The following RBMS3 variants were observed in gnomAD, a reference collection of about 807,000 sequenced individuals.
The protein encoded by RBMS3 is RNA-binding motif, single-stranded-interacting protein 3.
Under a neutral mutation model 66.8 loss-of-function variants are expected in RBMS3, and 27 were observed. That is an observed-to-expected ratio of 0.40 (90% CI 0.30 to 0.56). The LOEUF (loss-of-function observed/expected upper bound fraction) is 0.56. RBMS3 is among the 20% of genes least tolerant of loss of function. The pLI is 0.40. For missense variants in RBMS3, 513 were observed against 549.5 expected (o/e 0.93, Z 0.66); for synonymous variants, 188 against 183.0 (o/e 1.03, Z -0.22).
At chr3:29,350,283 C>G (rs540176104) in intron 1 of RBMS3, among the ~76,000 whole-genome samples, 1 of 152,000 alleles carries the variant, frequency 6.6e-6, no homozygotes, top group East Asian at 1.9e-4. Context: ...TGCTAGTTAG[C>G]ATGGTTCATA....
chr3:29,983,313 G>T (rs1698135364), intron 12 of RBMS3, among the ~76,000 whole-genome samples: 1 of 144,540 alleles, frequency 6.9e-6, no homozygotes, highest in Admixed American at 7.2e-5. Flanking sequence ...GTGTGTCTTT[G>T]CATGTGAGAT....
chr3:29,368,542 A>G (rs1233857355), intron 1 of RBMS3, among the ~76,000 whole-genome samples: 1 of 151,622 alleles, frequency 6.6e-6, no homozygotes, highest in African/African-American at 2.4e-5. Flanking sequence ...CTACTGAAAA[A>G]TGAGAGTTCA....
chr3:29,600,994 T>A (rs1263832030), intron 4 of RBMS3, among the ~76,000 whole-genome samples: 1 of 152,056 alleles, frequency 6.6e-6, no homozygotes, highest in Non-Finnish European at 1.5e-5. Context: ...ACCTGTCACA[T>A]AGCATGTACT....
intron 6 of RBMS3, among the ~76,000 whole-genome samples, chr3:29,857,343 A>G (rs1577008165): frequency 6.6e-6 from 1 of 152,046 alleles, no homozygotes; most frequent in East Asian, 1.9e-4. Context: ...CTGATGTTTT[A>G]CATTAAAAGA....
Position 29,457,825 on chromosome 3 carries a change from C to A in RBMS3, c.248+22910C>A, listed in dbSNP as rs993674504. Among the ~76,000 whole-genome samples the A allele has an allele frequency of 2.2e-5, 3 of 135,944 alleles. No individual in the cohort carries two copies. In the East Asian group the frequency reaches 6.2e-4, roughly 28 times the overall value. The allele number at this position is 135,944 out of a possible 152,430, so 89.2% of individuals were successfully genotyped here. On this transcript the variant is annotated intron_variant, in intron 2 of 14. Transcript: ENST00000383767. Reference sequence around the variant, plus strand: ...TTAGCTCTTACCATTTCTCAATTTGCACTTTTTTTTTTTTTTTTTGACATT... The same window carrying A: ...TTAGCTCTTACCATTTCTCAATTTGAACTTTTTTTTTTTTTTTTTGACATT...
chr3:29,568,296 G>A (rs972175242), intron 3 of RBMS3, among the ~76,000 whole-genome samples: 4 of 152,148 alleles, frequency 2.6e-5, no homozygotes, highest in Non-Finnish European at 4.4e-5. Flanking sequence ...AGGCTATTAT[G>A]AGAAAATAGC....
At chr3:29,779,643 G>T (rs1239292472) in intron 6 of RBMS3, among the ~76,000 whole-genome samples, 1 of 143,106 alleles carries the variant, frequency 7.0e-6, no homozygotes, top group African/African-American at 2.5e-5. Context: ...AAATTTTGAA[G>T]TCATATAAAA....
intron 1 of RBMS3, among the ~76,000 whole-genome samples, chr3:29,382,474 G>A (rs779023981): frequency 6.6e-6 from 1 of 152,166 alleles, no homozygotes; most frequent in Admixed American, 6.5e-5. Flanking sequence ...TGTTGCTTTA[G>A]TATTTAAATT....
chr3:29,418,091 A>G (rs1021302807), intron 1 of RBMS3, among the ~76,000 whole-genome samples: 4 of 152,120 alleles, frequency 2.6e-5, no homozygotes, highest in African/African-American at 9.7e-5. Context: ...CAGGGATGAG[A>G]TATTGATTGG....
At position 29,988,491 on chromosome 3, in the gene RBMS3, C is replaced by T. The variant is rs1698589483; in HGVS notation, c.1179+268C>T. ...AATTCCAGAGGCCAAATCACAACTC[C>T]ATCAAATTTTAATCACAAATACTTC... is the stretch of plus-strand genomic sequence containing the variant. On this transcript the variant is annotated intron_variant, in intron 13 of 14. Transcript: ENST00000383767. Among the ~76,000 whole-genome samples the T allele has an allele frequency of 2.0e-5, 3 of 152,182 alleles. No individual in the cohort carries two copies. In the South Asian group the frequency reaches 6.2e-4, roughly 32 times the overall value.
chr3:29,975,175 G>C (rs934790887), intron 12 of RBMS3, among the ~76,000 whole-genome samples: 12 of 146,842 alleles, frequency 8.2e-5, no homozygotes, highest in African/African-American at 3.0e-4. Context: ...ATACTTTACT[G>C]TAGATGAAAT....
chr3:29,757,611 G>T (rs2055481711), intron 5 of RBMS3, among the ~76,000 whole-genome samples: 1 of 152,134 alleles, frequency 6.6e-6, no homozygotes, highest in Non-Finnish European at 1.5e-5. Context: ...CTCCTGGGCT[G>T]GGCCCCAGAG....
intron 1 of RBMS3, among the ~76,000 whole-genome samples, chr3:29,364,853 T>C (rs1476027468): frequency 6.6e-6 from 1 of 152,164 alleles, no homozygotes; most frequent in Admixed American, 6.6e-5. Flanking sequence ...GAGATTTTTA[T>C]TGTCGACCAA....
chr3:29,708,376 A>G (rs990410248), intron 4 of RBMS3, among the ~76,000 whole-genome samples: 2 of 152,128 alleles, frequency 1.3e-5, no homozygotes, highest in African/African-American at 4.8e-5. Context: ...GGGCATGGCT[A>G]TTTTTGGCTC....
At chr3:29,724,638 G>T (rs2053778625) in intron 4 of RBMS3, among the ~76,000 whole-genome samples, 1 of 152,094 alleles carries the variant, frequency 6.6e-6, no homozygotes, top group South Asian at 2.1e-4. Context: ...ATTGATGTTT[G>T]TCATTGTTTT....
intron 2 of RBMS3, among the ~76,000 whole-genome samples, chr3:29,476,354 C>G (rs966603377): frequency 5.3e-5 from 8 of 152,164 alleles, no homozygotes; most frequent in African/African-American, 1.9e-4. Flanking sequence ...GTCTTCTCAC[C>G]TACCTCACCA....
intron 4 of RBMS3, among the ~76,000 whole-genome samples, chr3:29,658,917 G>A (rs2050422461): frequency 6.6e-6 from 1 of 152,178 alleles, no homozygotes; most frequent in Non-Finnish European, 1.5e-5. Context: ...CCGCCTCCCG[G>A]GTTCAAGCGA....
chr3:29,745,207 G>T (rs2054831889), intron 5 of RBMS3, among the ~76,000 whole-genome samples: 1 of 151,994 alleles, frequency 6.6e-6, no homozygotes, highest in South Asian at 2.1e-4. Context: ...ACAAGATAGT[G>T]TCTGAAATTA....
intron 6 of RBMS3, among the ~76,000 whole-genome samples, chr3:29,834,267 C>G (rs1218436452): frequency 6.6e-6 from 1 of 151,928 alleles, no homozygotes; most frequent in East Asian, 1.9e-4. Context: ...TAAAACTCAC[C>G]AGTAAAAGTA....
Sources: gnomAD v4.1 joint callset for allele counts (sites outside exome capture counted in the v4.1 genomes callset) on GRCh38, gnomAD v4.1.1 for gene constraint, MANE v1.5 for transcripts, NCBI Gene and HGNC (gene_info 2026-07-23, HGNC 2026-07-21) for gene names.